The following CYP1A2 variants were observed in gnomAD, a reference collection of about 807,000 sequenced individuals.
CYP1A2 encodes cytochrome P450 family 1 subfamily A member 2, also known as cytochrome P450 1A2.
In CYP1A2, 35 loss-of-function variants were observed where a neutral mutation model predicts 34.7. That is an observed-to-expected ratio of 1.01 (90% CI 0.77 to 1.34). The LOEUF is 1.34. CYP1A2 is among the 40% of genes most tolerant of loss of function. CYP1A2 has a pLI of 0.00. For synonymous variants in CYP1A2, 288 were observed against 281.9 expected, an observed-to-expected ratio of 1.02 and a Z score of -0.22; for missense variants, 675 against 675.8, an observed-to-expected ratio of 1.00 and a Z score of 0.01.
Position 74,751,336 on chromosome 15 carries a change from T to C in CYP1A2, c.952+27T>C, listed in dbSNP as rs765595047. On this transcript the variant is annotated intron_variant, in intron 3 of 6. Transcript: ENST00000343932. ...TAGGAACCAGAACCTTGCCCCTCCATCCAACAATGCCTGCTGTTCACCCAC... is the reference window on the plus strand; with the variant it reads ...TAGGAACCAGAACCTTGCCCCTCCACCCAACAATGCCTGCTGTTCACCCAC... The C allele has an allele frequency of 3.4e-5, 55 of 1,612,908 alleles. 1 individual carries two copies. In the South Asian group the frequency reaches 5.9e-4, roughly 17 times the overall value.
chr15:74,752,976 G>A (rs541246893), intron 5 of CYP1A2, among the ~76,000 whole-genome samples: 21 of 147,348 alleles, frequency 1.4e-4, no homozygotes, highest in African/African-American at 4.5e-4. Context: ...CAGGCGCAAA[G>A]AGAAGTTTAG....
At chr15:74,754,443 A>C (rs61229408) in intron 6 of CYP1A2, among the ~76,000 whole-genome samples, 1,599 of 150,238 alleles carry the variant, frequency 0.011, 30 homozygotes, top group African/African-American at 0.037. Flanking sequence ...AAAAAAAAAA[A>C]AAAAATACAA....
In CYP1A2 at chr15:74,751,745, C is replaced by A; in HGVS notation, c.953-20C>A. The stretch of plus-strand genomic sequence containing the variant: ...TGTTTCTGTCTTCCTTCTTTCCTCA[C>A]CTTACACTACACGGTTCAGGATTTG... On this transcript the variant is annotated intron_variant, in intron 3 of 6. Transcript: ENST00000343932. 1 of 1,609,378 alleles carries A rather than the reference C, an allele frequency of 6.2e-7. No individual in the cohort carries two copies. The highest frequency in any genetic ancestry group is 8.5e-7 in the Non-Finnish European group (1 of 1,177,008).
Position 74,750,109 on chromosome 15 carries a change from C to G in CYP1A2, c.371C>G (p.Thr124Ser). The G allele has an allele frequency of 1.2e-6, 2 of 1,614,054 alleles. No individual in the cohort carries two copies. Among genetic ancestry groups the G allele is most frequent in the Non-Finnish European group, 1.7e-6 (2 of 1,180,046 alleles). ...STLITDGQSL[T>S]FSTDSGPVWA... is the part of the protein sequence containing the mutation. ...CTCATCACTGATGGCCAGAGCTTGA[C>G]CTTCAGCACAGACTCTGGACCGGTG... is the stretch of plus-strand genomic sequence containing the variant. Residue 124 changes from threonine (T) to serine (S), a missense_variant, in exon 2 of 7, where the codon ACC becomes AGC. Transcript: ENST00000343932.
intron 2 of CYP1A2, 47 bp downstream of exon 2, chr15:74,750,616 T>C: frequency 6.6e-7 from 1 of 1,505,184 alleles, no homozygotes; most frequent in African/African-American, 1.4e-5. Flanking sequence ...AGGGCCTGGG[T>C]GCAGCCCCTC....
chr15:74,749,515 ATCTT>A (rs2063303752), intron 1 of CYP1A2, among the ~76,000 whole-genome samples: 2 of 152,190 alleles, frequency 1.3e-5, no homozygotes, highest in African/African-American at 4.8e-5. Context: ...CATGTTGGGA[ATCTT>A]GAGGCTCCTT....
chr15:74,750,045 G>A lies in CYP1A2; in HGVS notation c.307G>A (p.Asp103Asn), dbSNP rs763535401. The A allele has an allele frequency of 1.6e-5, 26 of 1,613,826 alleles. No individual in the cohort carries two copies. Among genetic ancestry groups the A allele is most frequent in the Admixed American group, 1.0e-4 (6 of 59,998 alleles). Residue 103 changes from aspartate (D) to asparagine (N), a missense_variant, in exon 2 of 7, where the codon GAC becomes AAC. Asp to Asn is a conservative substitution (Grantham distance 23, BLOSUM62 1). Coordinates refer to ENST00000343932, the MANE Select transcript of CYP1A2 (RefSeq NM_000761.5). ...CCGGCAGGCCCTGGTGCGGCAGGGC[G>A]ACGATTTCAAGGGCCGGCCTGACCT... ...TIRQALVRQG[D>N]DFKGRPDLYT...
chr15:74,749,692 C>G (rs747632455), intron 1 of CYP1A2, 38 bp from the exon 2 acceptor site: 1 of 1,449,276 alleles, frequency 6.9e-7, no homozygotes, highest in Non-Finnish European at 9.3e-7. Flanking sequence ...ATGTCTCCAT[C>G]TCAACCCTCA....
In CYP1A2 at chr15:74,750,417, G is replaced by A. The variant is rs373580935; in HGVS notation, c.679G>A (p.Val227Met). The change falls in exon 2 of 7, where the codon GTG (valine) becomes ATG (methionine). Residue 227 changes from valine (V) to methionine (M), a missense_variant. Val to Met is a conservative substitution (Grantham distance 21, BLOSUM62 1). Transcript: ENST00000343932. ...LSLVKNTHEF[V>M]ETASSGNPLD... ...CCTCGTGAAGAACACTCATGAGTTC[G>A]TGGAGACTGCCTCCTCCGGGAACCC... The A allele has an allele frequency of 9.3e-6, 15 of 1,614,056 alleles. No homozygotes were observed. The highest frequency in any genetic ancestry group is 5.3e-5 in the African/African-American group (4 of 74,908).
At position 74,756,255 on chromosome 15, in the gene CYP1A2, C is replaced by A. The variant is rs1723486190; in HGVS notation, c.*1167C>A. 1 of 151,736 alleles carries A rather than the reference C, an allele frequency of 6.6e-6. No individual in the cohort carries two copies. Among genetic ancestry groups the A allele is most frequent in the Admixed American group, 6.6e-5 (1 of 15,206 alleles). 9.4% of individuals were successfully genotyped at this position (151,736 alleles called of 1,614,324 possible). ...GCCTCAGCCTCCCAAGTAGCTGAGA[C>A]TACAGGCACACACCACCACGCCTGG... On this transcript the variant is annotated 3_prime_UTR_variant, in exon 7 of 7. Transcript: ENST00000343932.
rs2063333028 is a variant in CYP1A2, at chr15:74,755,260, T to C, written c.*172T>C. On this transcript the variant is annotated 3_prime_UTR_variant, in exon 7 of 7. Transcript: ENST00000343932. ...TTGGAGGATCATTTGAGCCCAGGAA[T>C]TGGAAAGCAGCCTGGCCAACATAGT... is the stretch of plus-strand genomic sequence containing the variant. 3.8e-6 allele frequency: 3 copies of C among 782,630 alleles called. No homozygotes were observed. In the South Asian group the frequency reaches 6.1e-5, roughly 16 times the overall value. 48.5% of individuals were successfully genotyped at this position (782,630 alleles called of 1,614,324 possible). A position where few individuals can be genotyped will look rare whatever the true frequency, so the allele number is the denominator to read the frequency against.
Position 74,753,215 on chromosome 15 carries a change from T to C in CYP1A2, c.1198T>C (p.Tyr400His). 2.5e-6 allele frequency: 4 copies of C among 1,613,866 alleles called. No individual in the cohort carries two copies. Among genetic ancestry groups the C allele is most frequent in the Non-Finnish European group, 3.4e-6 (4 of 1,179,842 alleles). The change falls in exon 6 of 7, where the codon TAC (tyrosine) becomes CAC (histidine). Residue 400 changes from tyrosine (Y) to histidine (H), a missense_variant. Coordinates refer to ENST00000343932, the MANE Select transcript of CYP1A2 (RefSeq NM_000761.5). Reference sequence around the variant, plus strand: ...AAGGGACACAACGCTGAATGGCTTCTACATCCCCAAGAAATGCTGTGTCTT... The same window carrying C: ...AAGGGACACAACGCTGAATGGCTTCCACATCCCCAAGAAATGCTGTGTCTT... ...TTRDTTLNGF[Y>H]IPKKCCVFVN...
chr15:74,749,715 CT>C lies in CYP1A2; in HGVS notation c.-9-9del, dbSNP rs1178749917. On this transcript the variant is annotated splice_polypyrimidine_tract_variant and intron_variant, in intron 1 of 6. Transcript: ENST00000343932. ...ATCTCAACCCTCAGCCTGGTCCCTC[CT>C]TTTTTCCCTGCAGTTGGTACAGATG... 3.3e-6 allele frequency: 5 copies of C among 1,505,884 alleles called. No homozygotes were observed. Among genetic ancestry groups the C allele is most frequent in the Non-Finnish European group, 3.6e-6 (4 of 1,124,924 alleles). 93.3% of individuals were successfully genotyped at this position (1,505,884 alleles called of 1,614,324 possible). A position where few individuals can be genotyped will look rare whatever the true frequency, so the allele number is the denominator to read the frequency against.
Position 74,755,448 on chromosome 15 carries a change from C to CTTT in CYP1A2, c.*371_*373dup, listed in dbSNP as rs33923017. 398 of 142,348 alleles carry CTTT rather than the reference C, an allele frequency of 2.8e-3. 8 individuals are homozygous for CTTT. Among genetic ancestry groups the CTTT allele is most frequent in the Non-Finnish European group, 4.0e-3 (272 of 67,578 alleles). 8.8% of individuals were successfully genotyped at this position (142,348 alleles called of 1,614,324 possible). ...ATTCTTATGCCATATAATTCACCTTCTTTTTTTTTTTTTGTCTGAGACAGA... is the reference window on the plus strand; with the variant it reads ...ATTCTTATGCCATATAATTCACCTTCTTTTTTTTTTTTTTTTGTCTGAGACAGA... On this transcript the variant is annotated 3_prime_UTR_variant, in exon 7 of 7. Transcript: ENST00000343932.
rs4646428 is a variant in CYP1A2, at chr15:74,754,971, A to C, written c.1434A>C (p.Gln478His). The C allele has an allele frequency of 4.3e-6, 7 of 1,614,126 alleles. No homozygotes were observed. The highest frequency in any genetic ancestry group is 5.9e-6 in the Non-Finnish European group (7 of 1,180,048). The change falls in exon 7 of 7, where the codon CAA becomes CAC. Residue 478 changes from glutamine (Q) to histidine (H), a missense_variant. Physicochemically the swap from Gln to His is conservative, Grantham distance 24. Transcript: ENST00000343932. ...IFLFLAILLQQLEFSVPPGVK... is the reference protein window; with the variant it reads ...IFLFLAILLQHLEFSVPPGVK... ...TCTTCCTGGCCATCCTGCTACAGCA[A>C]CTGGAGTTCAGCGTGCCGCCGGGCG...
rs752325643 is a variant in CYP1A2 at position 74,754,931 on chromosome 15, A to C, written c.1394A>C (p.Lys465Thr). 5 of 1,614,234 alleles carry C rather than the reference A, an allele frequency of 3.1e-6. No homozygotes were observed. The highest frequency in any genetic ancestry group is 4.2e-6 in the Non-Finnish European group (5 of 1,180,042). ...CGGTGTATCGGGGAAGTCCTGGCCA[A>C]GTGGGAGATCTTCCTCTTCCTGGCC... is the stretch of plus-strand genomic sequence containing the variant. Reference protein sequence around the residue: ...KRRCIGEVLAKWEIFLFLAIL... With the variant: ...KRRCIGEVLATWEIFLFLAIL... The change falls in exon 7 of 7, where the codon AAG becomes ACG. Residue 465 changes from lysine to threonine, a missense_variant. Transcript: ENST00000343932.
In CYP1A2 at chr15:74,753,280, T is replaced by C; in HGVS notation, c.1253+10T>C. 1.2e-6 allele frequency: 2 copies of C among 1,609,260 alleles called. No homozygotes were observed. Among genetic ancestry groups the C allele is most frequent in the Non-Finnish European group, 8.5e-7 (1 of 1,175,842 alleles). On this transcript the variant is annotated intron_variant, in intron 6 of 6. Coordinates refer to ENST00000343932, the MANE Select transcript of CYP1A2 (RefSeq NM_000761.5). ...AGGTCAACCATGACCCGTGAGTACA[T>C]ACCCCTCACGAAAAAATGTGTGCAG...
Position 74,752,447 on chromosome 15 carries a change from G to A in CYP1A2, c.1166+200G>A, listed in dbSNP as rs114689344. Among the ~76,000 whole-genome samples, 219 of 152,144 alleles carry A rather than the reference G, an allele frequency of 1.4e-3. 2 individuals are homozygous for A. Among genetic ancestry groups the A allele is most frequent in the African/African-American group, 4.9e-3 (203 of 41,504 alleles). On this transcript the variant is annotated intron_variant, in intron 5 of 6. Coordinates refer to ENST00000343932, the MANE Select transcript of CYP1A2 (RefSeq NM_000761.5). The stretch of plus-strand genomic sequence containing the variant: ...AGAAAGTTCCACTTGTGATCTCAGC[G>A]CTCATTCCCCTCTGTTCATATTCCC...
chr15:74,750,025 A>G lies in CYP1A2; in HGVS notation c.287A>G (p.Gln96Arg). 6.2e-7 allele frequency: 1 copy of G among 1,614,054 alleles called. No homozygotes were observed. The highest frequency in any genetic ancestry group is 8.5e-7 in the Non-Finnish European group (1 of 1,180,002). Residue 96 changes from glutamine to arginine, a missense_variant, in exon 2 of 7, where the codon CAG (glutamine) becomes CGG (arginine). Transcript: ENST00000343932. ...CTGAGCCGCCTGGACACCATCCGGC[A>G]GGCCCTGGTGCGGCAGGGCGACGAT... ...LVLSRLDTIR[Q>R]ALVRQGDDFK...
Sources: allele counts gnomAD v4.1 joint callset (sites outside exome capture counted in the v4.1 genomes callset), GRCh38; gene constraint gnomAD v4.1.1; transcripts MANE v1.5; gene names NCBI Gene and HGNC (gene_info 2026-07-23, HGNC 2026-07-21).